Variants in MAGI1 observed in about 807,000 individuals in gnomAD.
The protein encoded by MAGI1 is membrane-associated guanylate kinase, WW and PDZ domain-containing protein 1.
A neutral mutation model predicts 139.9 loss-of-function variants in MAGI1; 58 were observed. That is an observed-to-expected ratio of 0.41 (90% CI 0.34 to 0.52). The LOEUF is 0.52. MAGI1 is among the 20% of genes least tolerant of loss of function. The pLI is 0.12. For synonymous variants in MAGI1, 812 were observed against 737.9 expected, an observed-to-expected ratio of 1.10 and a Z score of -1.63; for missense variants, 1,874 against 1,901.6, an observed-to-expected ratio of 0.99 and a Z score of 0.27.
intron 1 of MAGI1, among the ~76,000 whole-genome samples, chr3:65,632,457 C>T (rs970553156): frequency 6.6e-6 from 1 of 152,004 alleles, no homozygotes; most frequent in South Asian, 2.1e-4. Context: ...TGAATGACTG[C>T]CATGATCATA....
chr3:65,570,169 CT>C (rs2080889857), intron 2 of MAGI1, among the ~76,000 whole-genome samples: 1 of 150,926 alleles, frequency 6.6e-6, no homozygotes, highest in African/African-American at 2.4e-5. Context: ...GTGGTGCGAT[CT>C]TGGCTTACTG....
intron 2 of MAGI1, among the ~76,000 whole-genome samples, chr3:65,573,685 A>C (rs1456116401): frequency 6.6e-6 from 1 of 152,176 alleles, no homozygotes; most frequent in East Asian, 1.9e-4. Context: ...GAGAACAAGA[A>C]TATCTTCATT....
intron 1 of MAGI1, among the ~76,000 whole-genome samples, chr3:65,975,715 T>C (rs1048747536): frequency 2.6e-5 from 4 of 152,172 alleles, no homozygotes; most frequent in Non-Finnish European, 5.9e-5. Flanking sequence ...TTACACTGAT[T>C]TCTCTCTAGT....
intron 2 of MAGI1, among the ~76,000 whole-genome samples, chr3:65,583,976 T>C (rs2081555702): frequency 6.6e-6 from 1 of 150,952 alleles, no homozygotes; most frequent in South Asian, 2.1e-4. Context: ...ACAGTGACAG[T>C]GGTGTGAAGT....
intron 1 of MAGI1, among the ~76,000 whole-genome samples, chr3:65,915,916 G>C (rs2061878693): frequency 1.3e-5 from 2 of 151,400 alleles, no homozygotes; most frequent in Non-Finnish European, 2.9e-5. Flanking sequence ...ATGCAAATTT[G>C]TGTATTTATT....
chr3:65,977,113 T>C (rs957742619), intron 1 of MAGI1, among the ~76,000 whole-genome samples: 2 of 152,206 alleles, frequency 1.3e-5, no homozygotes, highest in East Asian at 1.9e-4. Context: ...TTATAAATGA[T>C]TGTGATGTTA....
chr3:65,699,347 T>C (rs2089442357), intron 1 of MAGI1, among the ~76,000 whole-genome samples: 1 of 147,612 alleles, frequency 6.8e-6, no homozygotes, highest in Admixed American at 6.7e-5. Flanking sequence ...GAACTAGAAA[T>C]ACCATTTGAC....
In MAGI1 at chr3:66,038,125, G is replaced by A; in HGVS notation, c.184C>T (p.Pro62Ser). The change falls in exon 1 of 23, where the codon CCG becomes TCG. Residue 62 changes from proline to serine, a missense_variant. Coordinates refer to ENST00000402939, the MANE Select transcript of MAGI1 (RefSeq NM_001033057.2). ...AGCAGCTCCCCTTCGCCCAGCCTCG[G>A]GCCCTCGCCGCCGCCGGGAAGCCCC... Reference protein sequence around the residue: ...AAGLPGGGEGPRLGEGELLLE... With the variant: ...AAGLPGGGEGSRLGEGELLLE... 1 of 1,612,254 alleles carries A rather than the reference G, an allele frequency of 6.2e-7. No homozygotes were observed. The highest frequency in any genetic ancestry group is 8.5e-7 in the Non-Finnish European group (1 of 1,179,528).
At chr3:65,942,277 T>C (rs781574210) in intron 1 of MAGI1, among the ~76,000 whole-genome samples, 16 of 152,026 alleles carry the variant, frequency 1.1e-4, no homozygotes, top group Non-Finnish European at 1.5e-4. Flanking sequence ...TAGTGAAATA[T>C]TCAGTTGTAA....
At chr3:65,990,108 AGAG>A (rs1335966338) in intron 1 of MAGI1, among the ~76,000 whole-genome samples, 6 of 152,288 alleles carry the variant, frequency 3.9e-5, no homozygotes, top group East Asian at 1.9e-4. Context: ...GAGGAAATAA[AGAG>A]GAAGTAGCAG....
intron 2 of MAGI1, among the ~76,000 whole-genome samples, chr3:65,520,893 G>A (rs2078122729): frequency 6.6e-6 from 1 of 152,142 alleles, no homozygotes; most frequent in African/African-American, 2.4e-5. Context: ...CAGCAAAATA[G>A]CTTTCCAAAA....
At chr3:66,027,104 C>G (rs568761764) in intron 1 of MAGI1, among the ~76,000 whole-genome samples, 6 of 151,682 alleles carry the variant, frequency 4.0e-5, no homozygotes, top group African/African-American at 1.5e-4. Flanking sequence ...CCCATCTCTA[C>G]TAAAAATACA....
intron 15 of MAGI1, among the ~76,000 whole-genome samples, chr3:65,382,539 T>TG (rs1309348370): frequency 2.0e-5 from 3 of 152,190 alleles, no homozygotes; most frequent in African/African-American, 4.8e-5. Context: ...ATTTTTGAAG[T>TG]CTTTTAGCAC....
At chr3:65,369,167 A>G (rs1941736870) in intron 18 of MAGI1, among the ~76,000 whole-genome samples, 1 of 152,144 alleles carries the variant, frequency 6.6e-6, no homozygotes, top group African/African-American at 2.4e-5. Flanking sequence ...GAATCAAAGC[A>G]ATGAAGGTAA....
At chr3:65,868,686 T>C (rs1326698832) in intron 1 of MAGI1, among the ~76,000 whole-genome samples, 5 of 152,228 alleles carry the variant, frequency 3.3e-5, no homozygotes, top group African/African-American at 1.2e-4. Context: ...CTAATCTCCC[T>C]CAAAAAACCA....
chr3:65,780,976 T>G (rs1018868211), intron 1 of MAGI1, among the ~76,000 whole-genome samples: 10 of 152,194 alleles, frequency 6.6e-5, no homozygotes, highest in Non-Finnish European at 1.2e-4. Flanking sequence ...TCCTAGCACA[T>G]TGGGAGGCCA....
chr3:65,661,745 G>GT (rs11369893), intron 1 of MAGI1, among the ~76,000 whole-genome samples: 38,541 of 93,776 alleles, frequency 0.41, 10,633 homozygotes, highest in East Asian at 0.87. Flanking sequence ...GTTTTTTTCT[G>GT]TTTTTTTTTT....
chr3:65,865,789 C>T (rs1346097528), intron 1 of MAGI1, among the ~76,000 whole-genome samples: 1 of 152,142 alleles, frequency 6.6e-6, no homozygotes, highest in African/African-American at 2.4e-5. Context: ...CACCGGCATT[C>T]GCCACTACAC....
chr3:65,499,258 G>GA (rs1160535916), intron 2 of MAGI1, among the ~76,000 whole-genome samples: 1 of 152,026 alleles, frequency 6.6e-6, no homozygotes, highest in Non-Finnish European at 1.5e-5. Context: ...CCAAGACACA[G>GA]AAAAAATGAG....
Sources: allele counts gnomAD v4.1 joint callset (sites outside exome capture counted in the v4.1 genomes callset), GRCh38; gene constraint gnomAD v4.1.1; transcripts MANE v1.5; gene names NCBI Gene and HGNC (gene_info 2026-07-23, HGNC 2026-07-21).